The following TBC1D14 variants were observed in gnomAD, a reference collection of about 807,000 sequenced individuals.
TBC1D14 encodes the protein TBC1 domain family member 14.
A neutral mutation model predicts 79.0 loss-of-function variants in TBC1D14; 26 were observed. The observed-to-expected ratio is 0.33, with a 90% CI of 0.24 to 0.46. TBC1D14 has a LOEUF of 0.46. Among genes scored for constraint, TBC1D14 ranks in the 20% least tolerant of loss-of-function variants. TBC1D14 has a pLI of 1.00. For missense variants in TBC1D14, 769 were observed against 887.6 expected (o/e 0.87, Z 1.70); for synonymous variants, 394 against 349.9 (o/e 1.13, Z -1.40).
At chr4:6,925,507 T>G (rs976868945) in intron 2 of TBC1D14, among the ~76,000 whole-genome samples, 8 of 152,288 alleles carry the variant, frequency 5.3e-5, no homozygotes, top group African/African-American at 1.9e-4. Flanking sequence ...TACCACTGCC[T>G]TAGTTGCTTC....
At chr4:6,976,099 C>G (rs1577107905) in intron 3 of TBC1D14, among the ~76,000 whole-genome samples, 1 of 151,874 alleles carries the variant, frequency 6.6e-6, no homozygotes, top group African/African-American at 2.4e-5. Flanking sequence ...CAAAACAAAA[C>G]AAAAAACAGA....
intron 2 of TBC1D14, among the ~76,000 whole-genome samples, chr4:6,941,678 G>A (rs1218561323): frequency 6.6e-6 from 1 of 152,160 alleles, no homozygotes; most frequent in Non-Finnish European, 1.5e-5. Context: ...CAGTGTTTCT[G>A]CCCTGGTTTC....
chr4:6,928,570 T>C (rs1488686480), intron 2 of TBC1D14, among the ~76,000 whole-genome samples: 1 of 152,152 alleles, frequency 6.6e-6, no homozygotes, highest in Non-Finnish European at 1.5e-5. Flanking sequence ...CGGTGGCTCA[T>C]GCCTGTAATC....
intron 13 of TBC1D14, among the ~76,000 whole-genome samples, chr4:7,027,296 C>A (rs962655032): frequency 6.6e-6 from 1 of 151,080 alleles, no homozygotes; most frequent in Non-Finnish European, 1.5e-5. Flanking sequence ...TGTCACCCCC[C>A]CCACACACAT....
At chr4:6,984,389 GCT>G (rs1717639576) in intron 3 of TBC1D14, among the ~76,000 whole-genome samples, 1 of 152,154 alleles carries the variant, frequency 6.6e-6, no homozygotes. Context: ...TCCTGTCACA[GCT>G]AGACCTTCAG....
chr4:6,926,917 C>T lies in TBC1D14; in HGVS notation c.722+2806C>T, dbSNP rs547672685. Among the ~76,000 whole-genome samples, 16 of 152,342 alleles carry T rather than the reference C, an allele frequency of 1.1e-4. No individual in the cohort carries two copies. The South Asian group carries it at 3.3e-3, about 32-fold the overall frequency. On this transcript the variant is annotated intron_variant, in intron 2 of 13. Coordinates refer to ENST00000409757, the MANE Select transcript of TBC1D14 (RefSeq NM_020773.3). ...GAGCCATCCTGTTTCCCCACTTTGT[C>T]CCCTCACTCTCTTGCCTTCTGGTTT...
intron 3 of TBC1D14, among the ~76,000 whole-genome samples, chr4:6,968,768 A>T (rs1475210869): frequency 2.0e-5 from 3 of 152,152 alleles, no homozygotes; most frequent in Non-Finnish European, 4.4e-5. Flanking sequence ...TCCAACCCCA[A>T]GGCTTTGCAG....
intron 1 of TBC1D14, among the ~76,000 whole-genome samples, chr4:6,921,711 T>G (rs1577460282): frequency 6.7e-6 from 1 of 148,788 alleles, no homozygotes; most frequent in African/African-American, 2.5e-5. Flanking sequence ...TTTTTTTTTT[T>G]TTTGAGACAG....
intron 1 of TBC1D14, among the ~76,000 whole-genome samples, chr4:6,911,777 C>T (rs1210002455): frequency 6.6e-6 from 1 of 152,192 alleles, no homozygotes; most frequent in African/African-American, 2.4e-5. Context: ...CTCTCTCTCC[C>T]GTTGGTCAGA....
intron 2 of TBC1D14, among the ~76,000 whole-genome samples, chr4:6,949,519 T>A (rs1043875299): frequency 6.6e-6 from 1 of 152,066 alleles, no homozygotes; most frequent in African/African-American, 2.4e-5. Flanking sequence ...TCCATCTCTA[T>A]TAAAAATACA....
intron 3 of TBC1D14, among the ~76,000 whole-genome samples, chr4:6,985,742 T>A (rs1157593694): frequency 2.0e-5 from 3 of 152,172 alleles, no homozygotes; most frequent in African/African-American, 7.2e-5. Flanking sequence ...ATGCTAAAAG[T>A]GCCCAGGAAT....
chr4:7,008,183 G>A (rs1325598758), intron 9 of TBC1D14, among the ~76,000 whole-genome samples: 1 of 152,200 alleles, frequency 6.6e-6, no homozygotes, highest in Admixed American at 6.5e-5. Flanking sequence ...AGAGGTCAAA[G>A]GGCCATATCC....
chr4:6,999,336 T>C, intron 6 of TBC1D14, 134 bp downstream of exon 6: 1 of 785,446 alleles, frequency 1.3e-6, no homozygotes, highest in Non-Finnish European at 2.1e-6. Flanking sequence ...CTTCCTTCCC[T>C]CTACCCTGGC....
intron 3 of TBC1D14, among the ~76,000 whole-genome samples, chr4:6,979,275 G>C (rs778054064): frequency 6.6e-6 from 1 of 152,198 alleles, no homozygotes; most frequent in Non-Finnish European, 1.5e-5. Context: ...AAATGTAAAT[G>C]ATCTGAACAC....
At chr4:7,018,329 G>A (rs1244462120) in intron 12 of TBC1D14, among the ~76,000 whole-genome samples, 2 of 152,174 alleles carry the variant, frequency 1.3e-5, no homozygotes, top group African/African-American at 4.8e-5. Context: ...GGCCAGCTCA[G>A]CGTCCTGGGT....
intron 2 of TBC1D14, among the ~76,000 whole-genome samples, chr4:6,950,019 G>A (rs1713880075): frequency 6.6e-6 from 1 of 152,190 alleles, no homozygotes; most frequent in African/African-American, 2.4e-5. Flanking sequence ...TGGGTTTCAA[G>A]CCCCACATGC....
At chr4:6,925,913 A>G (rs893136667) in intron 2 of TBC1D14, among the ~76,000 whole-genome samples, 4 of 152,192 alleles carry the variant, frequency 2.6e-5, no homozygotes, top group Admixed American at 2.6e-4. Flanking sequence ...CTCAGCGAGA[A>G]GGGCCTGAGG....
At chr4:7,002,583 C>T (rs544935296) in intron 7 of TBC1D14, among the ~76,000 whole-genome samples, 1 of 152,270 alleles carries the variant, frequency 6.6e-6, no homozygotes, top group Non-Finnish European at 1.5e-5. Flanking sequence ...TTGTGTCTGT[C>T]TTGTATTGTG....
intron 11 of TBC1D14, among the ~76,000 whole-genome samples, chr4:7,013,949 C>T (rs1055092839): frequency 1.3e-5 from 2 of 152,182 alleles, no homozygotes; most frequent in Non-Finnish European, 2.9e-5. Flanking sequence ...CGGAGTTTCA[C>T]CGTGTTAGCG....
Sources: gnomAD v4.1 joint callset for allele counts (sites outside exome capture counted in the v4.1 genomes callset) on GRCh38, gnomAD v4.1.1 for gene constraint, MANE v1.5 for transcripts, NCBI Gene and HGNC (gene_info 2026-07-23, HGNC 2026-07-21) for gene names.